AGAP1: variants seen among roughly 807,000 people sequenced by gnomAD.
AGAP1 encodes arf-GAP with GTPase, ANK repeat and PH domain-containing protein 1.
AGAP1 carries 29 observed loss-of-function variants against 105.3 expected under a neutral mutation model. The ratio of observed to expected loss-of-function variants is 0.28; its 90% CI spans 0.21 to 0.38. The LOEUF is 0.38. Ranked by LOEUF, AGAP1 falls within the 10% of genes least tolerant of loss-of-function variation. AGAP1 has a pLI of 1.00. For synonymous variants in AGAP1, 509 were observed against 485.9 expected, an observed-to-expected ratio of 1.05 and a Z score of -0.63; for missense variants, 998 against 1,165.1, an observed-to-expected ratio of 0.86 and a Z score of 2.09.
intron 16 of AGAP1, among the ~76,000 whole-genome samples, chr2:236,102,207 G>C (rs1433433888): frequency 6.6e-6 from 1 of 152,112 alleles, no homozygotes; most frequent in Non-Finnish European, 1.5e-5. Flanking sequence ...CACAAGGTCA[G>C]GAGATCGAGA....
intron 1 of AGAP1, among the ~76,000 whole-genome samples, chr2:235,510,408 T>G (rs1025906619): frequency 3.9e-5 from 6 of 152,206 alleles, no homozygotes; most frequent in African/African-American, 1.4e-4. Flanking sequence ...TGAGTAATGT[T>G]CCATTGTATG....
intron 1 of AGAP1, among the ~76,000 whole-genome samples, chr2:235,669,169 T>C (rs1010390292): frequency 4.6e-5 from 7 of 152,256 alleles, no homozygotes; most frequent in Non-Finnish European, 8.8e-5. Flanking sequence ...TGGGATGGCA[T>C]TGGTGTACAC....
rs375022646 is a variant in AGAP1 at position 236,098,894 on chromosome 2, A to G, written c.2115-21298A>G. On this transcript the variant is annotated intron_variant, in intron 16 of 17. Transcript: ENST00000304032. ...CGTCTTAGCCTCCCCAAGTGCTGGG[A>G]TGACAGGTGTGAGCCCACCTGGCCC... 1.7e-4 allele frequency among the ~76,000 whole-genome samples: 26 copies of G among 151,852 alleles called. No individual in the cohort carries two copies. In the South Asian group the frequency reaches 4.8e-3, roughly 28 times the overall value.
intron 1 of AGAP1, among the ~76,000 whole-genome samples, chr2:235,522,697 G>A (rs2149053953): frequency 6.6e-6 from 1 of 152,312 alleles, no homozygotes; most frequent in Middle Eastern, 3.4e-3. Flanking sequence ...GTTGTGTGAA[G>A]ATGGCTGAGT....
In AGAP1 at chr2:236,056,551, G is replaced by A. The variant is rs999447952; in HGVS notation, c.2114+7270G>A. Among the ~76,000 whole-genome samples the A allele has an allele frequency of 3.3e-5, 5 of 152,084 alleles. No individual in the cohort carries two copies. The highest frequency in any genetic ancestry group is 7.4e-5 in the Non-Finnish European group (5 of 68,024). ...TGGAATGGGAAGATTAACCTTTTTAGGCTTGAATTATATAACATGGGCCAA... is the reference window on the plus strand; with the variant it reads ...TGGAATGGGAAGATTAACCTTTTTAAGCTTGAATTATATAACATGGGCCAA... On this transcript the variant is annotated intron_variant, in intron 16 of 17. Coordinates refer to ENST00000304032, the MANE Select transcript of AGAP1 (RefSeq NM_001037131.3). This position sits in a 1 kb window ranked among gnomAD's most constrained non-coding sequence, Gnocchi z 4.6.
In AGAP1 at chr2:235,559,701, G is replaced by C. The variant is rs1467121182; in HGVS notation, c.163+64852G>C. Among the ~76,000 whole-genome samples, 1 of 150,580 alleles carries C rather than the reference G, an allele frequency of 6.6e-6. No individual in the cohort carries two copies. Among genetic ancestry groups the C allele is most frequent in the East Asian group, 2.0e-4 (1 of 5,116 alleles). ...GGGTATGATGTGGTATCTCAACTGT[G>C]GTTTTGATTTGCATTTCCCTGGTGA... On this transcript the variant is annotated intron_variant, in intron 1 of 17. Coordinates refer to ENST00000304032, the MANE Select transcript of AGAP1 (RefSeq NM_001037131.3). This position sits in a 1 kb window ranked among gnomAD's most constrained non-coding sequence, Gnocchi z 5.7.
At chr2:236,070,932 C>T (rs975578401) in intron 16 of AGAP1, among the ~76,000 whole-genome samples, 1 of 152,000 alleles carries the variant, frequency 6.6e-6, no homozygotes, top group Non-Finnish European at 1.5e-5. Context: ...ATGAGTGAAT[C>T]GTAGGGTATG....
chr2:235,688,461 A>G (rs1949575557), intron 1 of AGAP1, among the ~76,000 whole-genome samples: 1 of 151,736 alleles, frequency 6.6e-6, no homozygotes, highest in African/African-American at 2.4e-5. Context: ...CAGCCCCTCT[A>G]CTTCAGACAG....
intron 1 of AGAP1, among the ~76,000 whole-genome samples, chr2:235,592,853 A>G (rs193093084): frequency 6.6e-6 from 1 of 152,196 alleles, no homozygotes; most frequent in East Asian, 1.9e-4. Flanking sequence ...GAAATGGAAG[A>G]TGGAGGTGGG....
At position 236,073,965 on chromosome 2, in the gene AGAP1, C is replaced by T. The variant is rs537419300; in HGVS notation, c.2114+24684C>T. Reference sequence around the variant, plus strand: ...ACCACCCTCTGGGTGCCAAGGTCTCCTCCAGGAGCACAGGTTCTCACCTGG... The same window carrying T: ...ACCACCCTCTGGGTGCCAAGGTCTCTTCCAGGAGCACAGGTTCTCACCTGG... On this transcript the variant is annotated intron_variant, in intron 16 of 17. Transcript: ENST00000304032. This position sits in a 1 kb window ranked among gnomAD's most constrained non-coding sequence, Gnocchi z 5.4. Among the ~76,000 whole-genome samples, 13 of 152,306 alleles carry T rather than the reference C, an allele frequency of 8.5e-5. No individual in the cohort carries two copies. Among genetic ancestry groups the T allele is most frequent in the Admixed American group, 2.0e-4 (3 of 15,306 alleles).
Position 235,931,649 on chromosome 2 carries a change from G to A in AGAP1, c.1483+726G>A, listed in dbSNP as rs955227543. On this transcript the variant is annotated intron_variant, in intron 12 of 17. Coordinates refer to ENST00000304032, the MANE Select transcript of AGAP1 (RefSeq NM_001037131.3). The surrounding 1 kb of genome is among the most constrained non-coding windows in gnomAD (Gnocchi z 5.6). ...CACTGTTGTATGTAATCTATCAGAC[G>A]GGGTTTTAGAGTAATCTTAGCATAA... Among the ~76,000 whole-genome samples the A allele has an allele frequency of 1.3e-5, 2 of 151,998 alleles. No individual in the cohort carries two copies. Among genetic ancestry groups the A allele is most frequent in the Non-Finnish European group, 2.9e-5 (2 of 68,026 alleles).
intron 1 of AGAP1, among the ~76,000 whole-genome samples, chr2:235,530,077 C>CT (rs898280818): frequency 1.3e-5 from 2 of 152,140 alleles, no homozygotes; most frequent in African/African-American, 4.8e-5. Context: ...CATCCATCCC[C>CT]TGCTGTCCCA....
Position 235,709,182 on chromosome 2 carries a change from C to G in AGAP1, c.167C>G (p.Ala56Gly). Residue 56 changes from alanine to glycine, a missense_variant, in exon 2 of 18, where the codon GCC (alanine) becomes GGC (glycine). Around this residue, in one of 3 missense-constraint regions of AGAP1, gnomAD observed 735 missense variants for 833.4 expected, o/e 0.88. Coordinates refer to ENST00000304032, the MANE Select transcript of AGAP1 (RefSeq NM_001037131.3). ...TTTGTGTCCTCCTCTTTTTCAGATG[C>G]CTTCGTGAACAGCCAGGAATGGACG... is the stretch of plus-strand genomic sequence containing the variant. ...IREHVIAIED[A>G]FVNSQEWTLS... 1 of 1,614,056 alleles carries G rather than the reference C, an allele frequency of 6.2e-7. No homozygotes were observed. The highest frequency in any genetic ancestry group is 8.5e-7 in the Non-Finnish European group (1 of 1,180,002).
chr2:236,013,306 C>G (rs921859476), intron 13 of AGAP1, among the ~76,000 whole-genome samples: 29 of 152,188 alleles, frequency 1.9e-4, no homozygotes, highest in Non-Finnish European at 1.5e-4. Flanking sequence ...TGCAACATAA[C>G]TCATCCCAGG....
At chr2:235,675,607 G>C (rs1423413068) in intron 1 of AGAP1, among the ~76,000 whole-genome samples, 1 of 152,188 alleles carries the variant, frequency 6.6e-6, no homozygotes, top group Non-Finnish European at 1.5e-5. Context: ...AACATTCCTA[G>C]AGTTTGCTTG....
rs557392625 is a variant in AGAP1, at chr2:235,865,409, G to T, written c.1051-17936G>T. 1.1e-4 allele frequency among the ~76,000 whole-genome samples: 16 copies of T among 152,312 alleles called. No homozygotes were observed. Among genetic ancestry groups the T allele is most frequent in the African/African-American group, 3.1e-4 (13 of 41,588 alleles). On this transcript the variant is annotated intron_variant, in intron 9 of 17. Coordinates refer to ENST00000304032, the MANE Select transcript of AGAP1 (RefSeq NM_001037131.3). The surrounding 1 kb of genome is among the most constrained non-coding windows in gnomAD (Gnocchi z 6.2). ...CACCCACAGTAACACGTGTGGCGCCGACCCCGCCGTGCGCAATCGGGGCTT... is the reference window on the plus strand; with the variant it reads ...CACCCACAGTAACACGTGTGGCGCCTACCCCGCCGTGCGCAATCGGGGCTT...
intron 6 of AGAP1, among the ~76,000 whole-genome samples, chr2:235,785,865 A>G (rs1304151302): frequency 6.6e-6 from 1 of 151,972 alleles, no homozygotes; most frequent in African/African-American, 2.4e-5. Context: ...TTCCACTGAC[A>G]AATTGTGTTA....
intron 9 of AGAP1, among the ~76,000 whole-genome samples, chr2:235,873,433 C>G (rs965509131): frequency 6.6e-6 from 1 of 152,262 alleles, no homozygotes; most frequent in Middle Eastern, 3.4e-3. Flanking sequence ...GAGGAACAGC[C>G]TTTTAAAATT....
At chr2:235,948,332 G>A (rs1223429414) in intron 12 of AGAP1, among the ~76,000 whole-genome samples, 3 of 151,944 alleles carry the variant, frequency 2.0e-5, no homozygotes, top group Admixed American at 1.3e-4. Flanking sequence ...ACAGGCATGC[G>A]CCACCATGCC....
Sources: gnomAD v4.1 joint callset for allele counts (sites outside exome capture counted in the v4.1 genomes callset) on GRCh38, gnomAD v4.1.1 for gene constraint, gnomAD v4.1.1 regional missense constraint, Gnocchi (gnomAD v3.1) non-coding constraint, MANE v1.5 for transcripts, NCBI Gene and HGNC (gene_info 2026-07-23, HGNC 2026-07-21) for gene names.